SEC23A: variants seen among roughly 807,000 people sequenced by gnomAD.
SEC23A encodes protein transport protein Sec23A.
SEC23A carries 56 observed loss-of-function variants against 103.7 expected under a neutral mutation model. That is an observed-to-expected ratio of 0.54 (90% confidence interval 0.44 to 0.67). SEC23A has a LOEUF of 0.67. Ranked by LOEUF, SEC23A falls within the 30% of genes least tolerant of loss-of-function variation. SEC23A has a pLI of 0.00. For synonymous variants in SEC23A, 281 were observed against 293.0 expected, an observed-to-expected ratio of 0.96 and a Z score of 0.42; for missense variants, 784 against 936.4, an observed-to-expected ratio of 0.84 and a Z score of 2.12.
chr14:39,092,847 ATTTG>A (rs767841117), intron 3 of SEC23A: 42 of 529,716 alleles, frequency 7.9e-5, no homozygotes, highest in South Asian at 4.1e-4. Context: ...GTTTTTTTTC[ATTTG>A]TTTGTTTGTT....
intron 13 of SEC23A, among the ~76,000 whole-genome samples, chr14:39,061,098 G>A (rs1311972987): frequency 6.6e-6 from 1 of 151,796 alleles, no homozygotes; most frequent in Non-Finnish European, 1.5e-5. Context: ...TATAAAACAG[G>A]GAGTTTGTTT....
chr14:39,077,467 G>A (rs1490471861), intron 7 of SEC23A, among the ~76,000 whole-genome samples: 3 of 150,468 alleles, frequency 2.0e-5, no homozygotes, highest in Admixed American at 6.6e-5. Flanking sequence ...GCTTGAACCC[G>A]GGAGGTGGAG....
chr14:39,100,505 C>T lies in SEC23A; in HGVS notation c.-22+2527G>A, dbSNP rs923913265. ...TCGGCTCACCGCAAACTCCTCCTCC[C>T]GGATTCAAGCAATTCTCCCGCCTCA... is the stretch of plus-strand genomic sequence containing the variant. On this transcript the variant is annotated intron_variant, in intron 1 of 19. Coordinates refer to ENST00000307712, the MANE Select transcript of SEC23A (RefSeq NM_006364.4). 5.3e-5 allele frequency among the ~76,000 whole-genome samples: 8 copies of T among 152,118 alleles called. No homozygotes were observed. The East Asian group carries it at 1.4e-3, about 26-fold the overall frequency.
chr14:39,032,179 A>G lies in SEC23A; in HGVS notation c.*1060T>C, dbSNP rs993338199. 2.0e-5 allele frequency: 3 copies of G among 152,666 alleles called. No individual in the cohort carries two copies. The highest frequency in any genetic ancestry group is 6.5e-5 in the Admixed American group (1 of 15,290). 9.5% of individuals were successfully genotyped at this position (152,666 alleles called of 1,614,324 possible). A position where few individuals can be genotyped will look rare whatever the true frequency, so the allele number is the denominator to read the frequency against. Reference sequence around the variant, plus strand: ...TGTCAAAACATATCTGGCTTTATCAATGTAAACATATTTGCTACAAGTAAA... The same window carrying G: ...TGTCAAAACATATCTGGCTTTATCAGTGTAAACATATTTGCTACAAGTAAA... On this transcript the variant is annotated 3_prime_UTR_variant, in exon 20 of 20. Coordinates refer to ENST00000307712, the MANE Select transcript of SEC23A (RefSeq NM_006364.4).
chr14:39,045,771 T>C (rs550094573), intron 15 of SEC23A, among the ~76,000 whole-genome samples: 1 of 152,356 alleles, frequency 6.6e-6, no homozygotes, highest in East Asian at 1.9e-4. Flanking sequence ...CCATTCTTTG[T>C]TTTTAATCTT....
At chr14:39,099,534 A>C (rs547469060) in intron 1 of SEC23A, among the ~76,000 whole-genome samples, 31 of 152,296 alleles carry the variant, frequency 2.0e-4, no homozygotes, top group African/African-American at 7.5e-4. Flanking sequence ...TTCTGATGAG[A>C]TCAGTGTTGG....
intron 13 of SEC23A, among the ~76,000 whole-genome samples, chr14:39,055,556 T>C (rs1306786230): frequency 6.6e-6 from 1 of 152,062 alleles, no homozygotes; most frequent in African/African-American, 2.4e-5. Flanking sequence ...TACAGGCACC[T>C]GCCACCAGGC....
At chr14:39,077,925 A>G (rs113929958) in intron 7 of SEC23A, among the ~76,000 whole-genome samples, 1,977 of 152,206 alleles carry the variant, frequency 0.013, 37 homozygotes, top group African/African-American at 0.043. Flanking sequence ...AGAGTGAGAC[A>G]CTGTCTAAAA....
intron 13 of SEC23A, among the ~76,000 whole-genome samples, chr14:39,056,757 A>C (rs1886265458): frequency 6.6e-6 from 1 of 152,162 alleles, no homozygotes; most frequent in Non-Finnish European, 1.5e-5. Context: ...GCACCACACC[A>C]GGCTCAAATT....
intron 18 of SEC23A, chr14:39,039,903 G>A (rs1885580272): frequency 6.6e-6 from 1 of 152,120 alleles, no homozygotes; most frequent in South Asian, 2.1e-4. Flanking sequence ...AAGGCATGCA[G>A]AAGTACTTTG....
chr14:39,086,981 G>C lies in SEC23A; in HGVS notation c.631C>G (p.Leu211Val), dbSNP rs8018720. The stretch of plus-strand genomic sequence containing the variant: ...TGAGGACCACGTGTTGCTTGAGTAA[G>C]TGGTACTTTAGAGAGCCCCAGCATT... Reference protein sequence around the residue: ...QEMLGLSKVPLTQATRGPQVQ... With the variant: ...QEMLGLSKVPVTQATRGPQVQ... The change falls in exon 6 of 20, where the codon CTT (leucine) becomes GTT (valine). Residue 211 changes from leucine to valine, a missense_variant. This residue lies in a region of SEC23A where 683 missense variants were observed against 774.2 expected (regional missense o/e 0.88). Transcript: ENST00000307712. 0.82 allele frequency: 1,288,841 copies of C among 1,578,514 alleles called. 528,316 individuals are homozygous for C. The highest frequency in any genetic ancestry group is 0.86 in the African/African-American group (63,616 of 74,260).
At chr14:39,034,993 C>A (rs145969088) in intron 19 of SEC23A, among the ~76,000 whole-genome samples, 237 of 152,144 alleles carry the variant, frequency 1.6e-3, no homozygotes, top group African/African-American at 4.5e-3. Flanking sequence ...TAGTAAAATT[C>A]TTGGTTACTG....
At chr14:39,053,471 G>A (rs1886137425) in intron 14 of SEC23A, among the ~76,000 whole-genome samples, 1 of 151,122 alleles carries the variant, frequency 6.6e-6, no homozygotes, top group Non-Finnish European at 1.5e-5. Context: ...TGTTCTAATA[G>A]TGTCCCATCA....
At chr14:39,096,184 A>C in intron 1 of SEC23A, 45 bp from the exon 2 acceptor site, 1 of 1,255,484 alleles carries the variant, frequency 8.0e-7, no homozygotes, top group Non-Finnish European at 1.2e-6. Flanking sequence ...GATCCTCTTA[A>C]GAACGTTCAA....
chr14:39,097,488 A>G (rs1028995368), intron 1 of SEC23A, among the ~76,000 whole-genome samples: 6 of 152,216 alleles, frequency 3.9e-5, no homozygotes, highest in Non-Finnish European at 7.3e-5. Flanking sequence ...GTGAAGAAAG[A>G]AGAGATATTA....
chr14:39,073,599 T>G (rs892636450), intron 9 of SEC23A, among the ~76,000 whole-genome samples: 2 of 141,392 alleles, frequency 1.4e-5, no homozygotes, highest in South Asian at 2.3e-4. Flanking sequence ...CGGCTCTGAT[T>G]CCTCTTTTTT....
intron 11 of SEC23A, among the ~76,000 whole-genome samples, chr14:39,063,710 T>C (rs987557178): frequency 1.1e-4 from 17 of 152,122 alleles, no homozygotes; most frequent in African/African-American, 4.1e-4. Context: ...AAGCATATGC[T>C]ATTTGGCCAG....
chr14:39,073,322 ACT>A (rs1358415546), intron 9 of SEC23A, among the ~76,000 whole-genome samples: 1 of 152,110 alleles, frequency 6.6e-6, no homozygotes, highest in Non-Finnish European at 1.5e-5. Context: ...ACAGAGTCTC[ACT>A]CTGTGGCCCA....
chr14:39,094,444 T>A (rs1305414328), intron 2 of SEC23A, among the ~76,000 whole-genome samples: 2,464 of 11,814 alleles, frequency 0.21, 497 homozygotes, highest in South Asian at 0.28. Context: ...ATATATATAT[T>A]TTTTTTTTTT....
Sources: allele counts gnomAD v4.1 joint callset (sites outside exome capture counted in the v4.1 genomes callset), GRCh38; gene constraint gnomAD v4.1.1; regional missense constraint gnomAD v4.1.1; transcripts MANE v1.5; gene names NCBI Gene and HGNC (gene_info 2026-07-23, HGNC 2026-07-21).